ARHGAP24: variants seen among roughly 807,000 people sequenced by gnomAD.
The protein encoded by ARHGAP24 is rho GTPase-activating protein 24.
A neutral mutation model predicts 76.4 loss-of-function variants in ARHGAP24; 50 were observed. The ratio of observed to expected loss-of-function variants is 0.65; its 90% confidence interval spans 0.52 to 0.83. The LOEUF is 0.83. Among genes scored for constraint, ARHGAP24 ranks in the 40% least tolerant of loss-of-function variants. ARHGAP24 has a pLI of 0.00. For missense variants in ARHGAP24, 930 were observed against 914.2 expected (o/e 1.02, Z -0.22); for synonymous variants, 345 against 323.3 (o/e 1.07, Z -0.72).
chr4:85,755,782 G>T (rs1046014295), intron 3 of ARHGAP24, among the ~76,000 whole-genome samples: 1 of 151,734 alleles, frequency 6.6e-6, no homozygotes, highest in Admixed American at 6.6e-5. Flanking sequence ...ACAGGCGCCC[G>T]CCACTACGTC....
intron 3 of ARHGAP24, among the ~76,000 whole-genome samples, chr4:85,758,066 A>AG (rs1369024016): frequency 6.6e-6 from 1 of 152,036 alleles, no homozygotes; most frequent in Non-Finnish European, 1.5e-5. Flanking sequence ...GAAGGGGGAA[A>AG]AAAAAGCCTA....
chr4:85,676,917 G>A (rs1336158592), intron 2 of ARHGAP24, among the ~76,000 whole-genome samples: 1 of 152,152 alleles, frequency 6.6e-6, no homozygotes, highest in Non-Finnish European at 1.5e-5. Context: ...ACAGGTGAGA[G>A]CAGGACTTGA....
chr4:85,865,324 C>A (rs1299969548), intron 3 of ARHGAP24, among the ~76,000 whole-genome samples: 1 of 151,702 alleles, frequency 6.6e-6, no homozygotes, highest in Non-Finnish European at 1.5e-5. Flanking sequence ...ATCAATTGTT[C>A]TTGGCTGGCT....
At chr4:85,509,288 A>G (rs1336904137) in intron 1 of ARHGAP24, among the ~76,000 whole-genome samples, 1 of 151,662 alleles carries the variant, frequency 6.6e-6, no homozygotes. Flanking sequence ...TGGCACATGT[A>G]TACATATGTA....
chr4:85,519,832 G>A (rs1384678197), intron 1 of ARHGAP24, among the ~76,000 whole-genome samples: 1 of 152,020 alleles, frequency 6.6e-6, no homozygotes, highest in African/African-American at 2.4e-5. Context: ...CATTATAAAA[G>A]ACAAAAACCA....
chr4:85,777,835 G>C (rs1380361186), intron 3 of ARHGAP24, among the ~76,000 whole-genome samples: 1 of 152,006 alleles, frequency 6.6e-6, no homozygotes, highest in Non-Finnish European at 1.5e-5. Flanking sequence ...ATTATAATAA[G>C]CACATCACTC....
At position 85,770,030 on chromosome 4, in the gene ARHGAP24, T is replaced by G. The variant is rs576694984; in HGVS notation, c.268+48058T>G. Among the ~76,000 whole-genome samples the G allele has an allele frequency of 1.2e-4, 19 of 152,290 alleles. No individual in the cohort carries two copies. In the South Asian group the frequency reaches 4.0e-3, roughly 32 times the overall value. ...TAAATGTAAGGAAATAGTCCAACTT[T>G]CTTATATTTGGTTGCACTGAAGCTT... On this transcript the variant is annotated intron_variant, in intron 3 of 9. Transcript: ENST00000395184.
intron 9 of ARHGAP24, chr4:85,999,910 CAT>C (rs1158909485): frequency 6.5e-6 from 1 of 153,278 alleles, no homozygotes; most frequent in East Asian, 1.9e-4. Context: ...TTATTTAACA[CAT>C]GTGATCTTTA....
At chr4:85,796,716 TTC>T (rs1479142058) in intron 3 of ARHGAP24, among the ~76,000 whole-genome samples, 1 of 152,174 alleles carries the variant, frequency 6.6e-6, no homozygotes, top group Non-Finnish European at 1.5e-5. Context: ...CAGCCACTAC[TTC>T]TGTCGGGGGG....
intron 1 of ARHGAP24, among the ~76,000 whole-genome samples, chr4:85,486,234 G>C (rs563371897): frequency 6.6e-6 from 1 of 151,988 alleles, no homozygotes; most frequent in Non-Finnish European, 1.5e-5. Flanking sequence ...GTTTTGGGGG[G>C]ATATGTGATA....
intron 2 of ARHGAP24, among the ~76,000 whole-genome samples, chr4:85,658,638 C>T (rs143166944): frequency 7.2e-5 from 11 of 152,206 alleles, no homozygotes; most frequent in African/African-American, 2.4e-5. Flanking sequence ...AACATTTAGA[C>T]TAATTTTACC....
chr4:85,544,791 A>G (rs1474633065), intron 1 of ARHGAP24, among the ~76,000 whole-genome samples: 2 of 152,104 alleles, frequency 1.3e-5, no homozygotes, highest in Non-Finnish European at 2.9e-5. Context: ...AGTCCTTACA[A>G]TTGTTACAAC....
intron 3 of ARHGAP24, among the ~76,000 whole-genome samples, chr4:85,909,439 CG>C (rs1734948109): frequency 6.6e-6 from 1 of 152,124 alleles, no homozygotes; most frequent in Admixed American, 6.5e-5. Context: ...TATTCTATCA[CG>C]TCTTATTGGG....
chr4:85,994,903 C>A lies in ARHGAP24; in HGVS notation c.1249C>A (p.Pro417Thr). The change falls in exon 9 of 10, where the codon CCT (proline) becomes ACT (threonine). Residue 417 changes from proline to threonine, a missense_variant. Physicochemically the swap from Pro to Thr is conservative, Grantham distance 38 (BLOSUM62 -1). Transcript: ENST00000395184. Reference protein sequence around the residue: ...VHKLDVSRSPPLMVKKNPAFN... With the variant: ...VHKLDVSRSPTLMVKKNPAFN... ...CAAGCTAGATGTGTCTAGAAGCCCC[C>A]CTCTCATGGTCAAAAAGAACCCAGC... The A allele has an allele frequency of 1.9e-6, 3 of 1,614,032 alleles. No homozygotes were observed. The highest frequency in any genetic ancestry group is 1.7e-6 in the Non-Finnish European group (2 of 1,180,022).
intron 2 of ARHGAP24, among the ~76,000 whole-genome samples, chr4:85,669,285 A>G (rs900844697): frequency 1.3e-5 from 2 of 152,168 alleles, no homozygotes; most frequent in African/African-American, 2.4e-5. Context: ...TTTGATACTT[A>G]TTTGACTTTT....
chr4:85,621,521 A>G (rs1418945958), intron 2 of ARHGAP24, among the ~76,000 whole-genome samples: 1 of 152,026 alleles, frequency 6.6e-6, no homozygotes, highest in Non-Finnish European at 1.5e-5. Context: ...TATTAATAAT[A>G]TTGAGCATTT....
rs544744518 is a variant in ARHGAP24, at chr4:85,803,565, T to A, written c.268+81593T>A. On this transcript the variant is annotated intron_variant, in intron 3 of 9. Transcript: ENST00000395184. ...TGTATTTGTATCTATTTCCTTATGT[T>A]TTATGGGCCTGAAGCTTAATTTGCC... 3.9e-5 allele frequency among the ~76,000 whole-genome samples: 6 copies of A among 152,328 alleles called. No homozygotes were observed. In the South Asian group the frequency reaches 1.2e-3, roughly 32 times the overall value.
At chr4:85,515,109 G>A (rs959405831) in intron 1 of ARHGAP24, among the ~76,000 whole-genome samples, 6 of 152,096 alleles carry the variant, frequency 3.9e-5, no homozygotes, top group Non-Finnish European at 7.4e-5. Context: ...ATAATCCTTA[G>A]AATAGAAAGC....
intron 3 of ARHGAP24, among the ~76,000 whole-genome samples, chr4:85,912,480 G>A (rs1455805293): frequency 6.6e-6 from 1 of 152,136 alleles, no homozygotes; most frequent in African/African-American, 2.4e-5. Flanking sequence ...CCAAATTAGA[G>A]TTTTTCTTAT....
Sources: gnomAD v4.1 joint callset for allele counts (sites outside exome capture counted in the v4.1 genomes callset) on GRCh38, gnomAD v4.1.1 for gene constraint, MANE v1.5 for transcripts, NCBI Gene and HGNC (gene_info 2026-07-23, HGNC 2026-07-21) for gene names.